Variants in NEXMIF observed in about 807,000 individuals in gnomAD.
NEXMIF encodes XLMR protein related to neurite extension.
NEXMIF carries 8 observed loss-of-function variants against 62.1 expected under a neutral mutation model. That is an observed-to-expected ratio of 0.13 (90% confidence interval 0.08 to 0.23). The LOEUF (loss-of-function observed/expected upper bound fraction) is 0.23, where lower values mean the gene tolerates loss of function less well. Ranked by LOEUF, NEXMIF falls within the 10% of genes least tolerant of loss-of-function variation. NEXMIF has a pLI of 1.00. For missense variants in NEXMIF, 976 were observed against 1,113.3 expected, an observed-to-expected ratio of 0.88 and a Z score of 1.75; for synonymous variants, 404 against 416.6, an observed-to-expected ratio of 0.97 and a Z score of 0.37.
intron 1 of NEXMIF, among the ~76,000 whole-genome samples, chrX:74,882,090 T>A (rs1034346845): frequency 1.2e-4 from 13 of 112,189 alleles, no homozygotes; most frequent in African/African-American, 4.2e-4. Context: ...AGAAAATTCC[T>A]ATTCACAATA....
intron 1 of NEXMIF, among the ~76,000 whole-genome samples, chrX:74,787,270 G>A (rs1054382613): frequency 2.1e-5 from 2 of 96,188 alleles, no homozygotes; most frequent in Non-Finnish European, 4.3e-5. Context: ...GCGACAGAGC[G>A]AGATTCCATC....
chrX:74,829,092 T>C (rs1056136793), intron 1 of NEXMIF, among the ~76,000 whole-genome samples: 1 of 112,158 alleles, frequency 8.9e-6, no homozygotes, highest in Non-Finnish European at 1.9e-5. Flanking sequence ...TAGGTACATA[T>C]GTTTATGGGG....
At chrX:74,871,487 T>G (rs2080600660) in intron 1 of NEXMIF, among the ~76,000 whole-genome samples, 1 of 111,622 alleles carries the variant, frequency 9.0e-6, no homozygotes, top group Non-Finnish European at 1.9e-5. Context: ...ACAACTGGTC[T>G]GACTAGAATT....
chrX:74,778,303 C>T (rs2080234708), intron 1 of NEXMIF, among the ~76,000 whole-genome samples: 1 of 112,037 alleles, frequency 8.9e-6, no homozygotes, highest in African/African-American at 3.2e-5. Context: ...ACCCCAGCTC[C>T]TTGCCCCTTC....
At chrX:74,858,575 G>A (rs1206051752) in intron 1 of NEXMIF, among the ~76,000 whole-genome samples, 4 of 111,095 alleles carry the variant, frequency 3.6e-5, no homozygotes, top group Non-Finnish European at 7.5e-5. Context: ...CGCAGACTAC[G>A]AAGATTACAA....
At chrX:74,872,579 A>G (rs2080606474) in intron 1 of NEXMIF, among the ~76,000 whole-genome samples, 1 of 109,721 alleles carries the variant, frequency 9.1e-6, no homozygotes, top group Non-Finnish European at 1.9e-5. Flanking sequence ...TAAATATAGT[A>G]AATATTGTGA....
At chrX:74,808,023 ATATAATCT>A (rs1473999208) in intron 1 of NEXMIF, among the ~76,000 whole-genome samples, 3 of 111,881 alleles carry the variant, frequency 2.7e-5, no homozygotes, top group Non-Finnish European at 5.6e-5. Flanking sequence ...GCATCTATTG[ATATAATCT>A]TATGATTTTT....
chrX:74,880,613 T>C (rs1014172817), intron 1 of NEXMIF, among the ~76,000 whole-genome samples: 4 of 112,171 alleles, frequency 3.6e-5, no homozygotes, highest in Non-Finnish European at 5.6e-5. Context: ...AATACCAGCA[T>C]TTTGGTAAAG....
chrX:74,922,226 A>G (rs1176614914), intron 1 of NEXMIF, among the ~76,000 whole-genome samples: 1 of 111,915 alleles, frequency 8.9e-6, no homozygotes, highest in Non-Finnish European at 1.9e-5. Flanking sequence ...GGTAGCTTAC[A>G]GGTAACCAGA....
At chrX:74,798,708 A>T (rs938685528) in intron 1 of NEXMIF, among the ~76,000 whole-genome samples, 2 of 111,846 alleles carry the variant, frequency 1.8e-5, no homozygotes, top group Non-Finnish European at 3.8e-5. Context: ...ACAAAGAAAC[A>T]AAATTATAGT....
At chrX:74,902,974 G>GCCACTC (rs1026480491) in intron 1 of NEXMIF, among the ~76,000 whole-genome samples, 16 of 111,418 alleles carry the variant, frequency 1.4e-4, no homozygotes, top group Non-Finnish European at 2.8e-4. Flanking sequence ...AGTGCCTAAG[G>GCCACTC]CCACTCCTTA....
At chrX:74,781,512 G>A (rs2080246871) in intron 1 of NEXMIF, among the ~76,000 whole-genome samples, 1 of 112,562 alleles carries the variant, frequency 8.9e-6, no homozygotes, top group Non-Finnish European at 1.9e-5. Context: ...GTATGTGAAA[G>A]CCTTAGGTGT....
At chrX:74,851,891 CAGAA>C (rs1311844062) in intron 1 of NEXMIF, among the ~76,000 whole-genome samples, 2 of 111,250 alleles carry the variant, frequency 1.8e-5, no homozygotes, top group Admixed American at 1.9e-4. Context: ...AACAATAAGA[CAGAA>C]AGAAAGACAC....
chrX:74,794,479 C>T (rs999608932), intron 1 of NEXMIF, among the ~76,000 whole-genome samples: 17 of 111,653 alleles, frequency 1.5e-4, no homozygotes, highest in African/African-American at 4.9e-4. Flanking sequence ...GCAGGCAGGC[C>T]TCCTTGAGCT....
At chrX:74,916,433 G>T (rs181056920) in intron 1 of NEXMIF, among the ~76,000 whole-genome samples, 1 of 111,807 alleles carries the variant, frequency 8.9e-6, no homozygotes, top group Non-Finnish European at 1.9e-5. Context: ...GCCTTTAAAA[G>T]GTGAATGGAT....
intron 1 of NEXMIF, among the ~76,000 whole-genome samples, chrX:74,867,202 G>T (rs1180025617): frequency 8.9e-6 from 1 of 111,816 alleles, no homozygotes; most frequent in African/African-American, 3.3e-5. Context: ...TGGCCACACT[G>T]CCCAAAGTAA....
intron 1 of NEXMIF, among the ~76,000 whole-genome samples, chrX:74,781,278 C>A (rs952946520): frequency 8.0e-5 from 9 of 112,570 alleles, no homozygotes; most frequent in Non-Finnish European, 1.7e-4. Flanking sequence ...TTGCTACGAT[C>A]TCCTTTAGAG....
In NEXMIF at chrX:74,738,291, G is replaced by A. The variant is rs1442391224; in HGVS notation, c.*1114C>T. 9.0e-6 allele frequency: 1 copy of A among 111,534 alleles called. No homozygotes were observed. Among genetic ancestry groups the A allele is most frequent in the Non-Finnish European group, 1.9e-5 (1 of 53,074 alleles). 9.2% of individuals were successfully genotyped at this position (111,534 alleles called of 1,213,427 possible). A position where few individuals can be genotyped will look rare whatever the true frequency, so the allele number is the denominator to read the frequency against. ...TTGTTCATCTTATCTGATAGTAAAT[G>A]TACTTTACTCATAAGAAGAAAAATT... On this transcript the variant is annotated 3_prime_UTR_variant, in exon 4 of 4. Coordinates refer to ENST00000055682, the MANE Select transcript of NEXMIF (RefSeq NM_001008537.3).
At chrX:74,776,491 C>T (rs1489701670) in intron 1 of NEXMIF, among the ~76,000 whole-genome samples, 1 of 110,642 alleles carries the variant, frequency 9.0e-6, no homozygotes, top group East Asian at 2.8e-4. Context: ...GTTGGGAGGC[C>T]GAGGTGGGTA....
Sources: gnomAD v4.1 joint callset for allele counts (sites outside exome capture counted in the v4.1 genomes callset) on GRCh38, gnomAD v4.1.1 for gene constraint, MANE v1.5 for transcripts, NCBI Gene and HGNC (gene_info 2026-07-23, HGNC 2026-07-21) for gene names.